Variants in CTNNA3 observed in about 807,000 individuals in gnomAD.
CTNNA3 encodes the protein catenin alpha 3.
In CTNNA3, 76 loss-of-function variants were observed where a neutral mutation model predicts 95.7. The observed-to-expected ratio is 0.79, with a 90% CI of 0.66 to 0.96. CTNNA3 has a LOEUF of 0.96. Among genes scored for constraint, CTNNA3 ranks in the 40% least tolerant of loss-of-function variants. CTNNA3 has a pLI of 0.00. For synonymous variants in CTNNA3, 431 were observed against 374.4 expected, an observed-to-expected ratio of 1.15 and a Z score of -1.74; for missense variants, 1,191 against 1,089.8, an observed-to-expected ratio of 1.09 and a Z score of -1.31.
chr10:66,914,185 C>T (rs1281649566), intron 7 of CTNNA3, among the ~76,000 whole-genome samples: 2 of 142,294 alleles, frequency 1.4e-5, no homozygotes, highest in African/African-American at 5.3e-5. Context: ...GGCTGGAGTG[C>T]AGTGGCACGA....
intron 11 of CTNNA3, among the ~76,000 whole-genome samples, chr10:66,452,890 C>G (rs1316834445): frequency 6.6e-6 from 1 of 151,998 alleles, no homozygotes; most frequent in African/African-American, 2.4e-5. Flanking sequence ...TCCCCATCCC[C>G]TAGCCCTGTG....
intron 5 of CTNNA3, among the ~76,000 whole-genome samples, chr10:67,292,570 C>G (rs1839880875): frequency 1.3e-5 from 2 of 152,078 alleles, no homozygotes; most frequent in South Asian, 4.2e-4. Flanking sequence ...GTCCCCCTCC[C>G]ATTTTTATAT....
At chr10:67,169,624 T>G (rs1043008737) in intron 7 of CTNNA3, among the ~76,000 whole-genome samples, 2 of 151,904 alleles carry the variant, frequency 1.3e-5, no homozygotes, top group Non-Finnish European at 2.9e-5. Flanking sequence ...TATACAAAAA[T>G]CAAGTCAAGA....
At chr10:66,725,070 A>G (rs915853916) in intron 9 of CTNNA3, among the ~76,000 whole-genome samples, 2 of 152,142 alleles carry the variant, frequency 1.3e-5, no homozygotes, top group Non-Finnish European at 2.9e-5. Context: ...CTTATAATTT[A>G]TAACTCAATG....
chr10:66,332,559 T>G (rs1311908309), intron 12 of CTNNA3, among the ~76,000 whole-genome samples: 1 of 152,072 alleles, frequency 6.6e-6, no homozygotes, highest in Non-Finnish European at 1.5e-5. Context: ...AACCAGCCTT[T>G]CATCCCCGGC....
intron 1 of CTNNA3, among the ~76,000 whole-genome samples, chr10:67,734,983 G>A (rs1022556607): frequency 6.6e-6 from 1 of 152,000 alleles, no homozygotes; most frequent in Non-Finnish European, 1.5e-5. Context: ...TTACAAAACA[G>A]TTTCTTAAAA....
intron 7 of CTNNA3, among the ~76,000 whole-genome samples, chr10:67,023,462 A>G (rs1286175454): frequency 6.6e-6 from 1 of 152,132 alleles, no homozygotes; most frequent in African/African-American, 2.4e-5. Context: ...TCTATAGAGA[A>G]CGATGACTAA....
intron 10 of CTNNA3, among the ~76,000 whole-genome samples, chr10:66,607,666 T>C (rs1844178198): frequency 6.6e-6 from 1 of 152,038 alleles, no homozygotes; most frequent in African/African-American, 2.4e-5. Flanking sequence ...ATACATGTGA[T>C]TTATCATATA....
chr10:67,020,558 A>C (rs73326973), intron 7 of CTNNA3, among the ~76,000 whole-genome samples: 5,208 of 152,226 alleles, frequency 0.034, 321 homozygotes, highest in African/African-American at 0.12. Context: ...TTCAACAAAT[A>C]TTTACTAAAT....
At chr10:67,486,864 C>G (rs1259387367) in intron 5 of CTNNA3, among the ~76,000 whole-genome samples, 1 of 152,138 alleles carries the variant, frequency 6.6e-6, no homozygotes, top group East Asian at 1.9e-4. Context: ...AATTCATTTT[C>G]TTTCTAATGA....
intron 17 of CTNNA3, among the ~76,000 whole-genome samples, chr10:65,951,991 T>G (rs1167530412): frequency 6.9e-6 from 1 of 144,044 alleles, no homozygotes; most frequent in Non-Finnish European, 1.5e-5. Flanking sequence ...GATGGCACCA[T>G]TGCACTCCAG....
At position 67,024,298 on chromosome 10, in the gene CTNNA3, G is replaced by C. The variant is rs117840181; in HGVS notation, c.1047+156019C>G. Among the ~76,000 whole-genome samples, 401 of 152,256 alleles carry C rather than the reference G, an allele frequency of 2.6e-3. 15 individuals are homozygous for C. In the East Asian group the frequency reaches 0.067, roughly 25 times the overall value. On this transcript the variant is annotated intron_variant, in intron 7 of 17. Transcript: ENST00000433211. ...TGTTCTCGTAGAGTCTGACTTTACT[G>C]CTTCTGTCTTTATATTTTTTCTCTC... is the stretch of plus-strand genomic sequence containing the variant.
chr10:66,644,230 G>A (rs1845612607), intron 9 of CTNNA3, among the ~76,000 whole-genome samples: 1 of 151,486 alleles, frequency 6.6e-6, no homozygotes, highest in Non-Finnish European at 1.5e-5. Flanking sequence ...CTGCACACTA[G>A]CCTGAGTGAC....
At chr10:66,973,430 A>C (rs559162857) in intron 7 of CTNNA3, among the ~76,000 whole-genome samples, 1 of 152,312 alleles carries the variant, frequency 6.6e-6, no homozygotes, top group East Asian at 1.9e-4. Context: ...TTGAACAATA[A>C]AGTATCTGTA....
At chr10:66,429,860 T>C (rs1416088463) in intron 11 of CTNNA3, among the ~76,000 whole-genome samples, 10 of 151,940 alleles carry the variant, frequency 6.6e-5, no homozygotes, top group Non-Finnish European at 1.0e-4. Flanking sequence ...GGATGCCCTC[T>C]CCCACCACTC....
At chr10:66,334,807 G>A (rs956790584) in intron 12 of CTNNA3, among the ~76,000 whole-genome samples, 3 of 152,004 alleles carry the variant, frequency 2.0e-5, no homozygotes, top group Admixed American at 1.3e-4. Flanking sequence ...AAGTTCTCCT[G>A]GATAATATCT....
At chr10:66,781,851 C>T (rs549675155) in intron 7 of CTNNA3, among the ~76,000 whole-genome samples, 1 of 152,214 alleles carries the variant, frequency 6.6e-6, no homozygotes, top group Non-Finnish European at 1.5e-5. Flanking sequence ...AATAACTCTA[C>T]ACACATTTGT....
At chr10:67,548,578 A>C (rs932294814) in intron 3 of CTNNA3, among the ~76,000 whole-genome samples, 1 of 152,176 alleles carries the variant, frequency 6.6e-6, no homozygotes, top group South Asian at 2.1e-4. Context: ...AACCAATAGA[A>C]TTGCTATCTC....
chr10:66,127,338 C>CATCAATGT (rs2082878037), intron 13 of CTNNA3, among the ~76,000 whole-genome samples: 1 of 149,808 alleles, frequency 6.7e-6, no homozygotes, highest in East Asian at 2.0e-4. Context: ...TCAGCCAGGT[C>CATCAATGT]ATCAATGTCA....
Sources: allele counts gnomAD v4.1 joint callset (sites outside exome capture counted in the v4.1 genomes callset), GRCh38; gene constraint gnomAD v4.1.1; transcripts MANE v1.5; gene names NCBI Gene and HGNC (gene_info 2026-07-23, HGNC 2026-07-21).